The following OR2L13 variants were observed in gnomAD, a reference collection of about 807,000 sequenced individuals.
The protein encoded by OR2L13 is olfactory receptor 2L13.
OR2L13 carries 14 observed loss-of-function variants against 15.3 expected under a neutral mutation model. The observed-to-expected ratio is 0.91, with a 90% CI of 0.60 to 1.43. The LOEUF is 1.43. Among genes scored for constraint, OR2L13 ranks in the 40% most tolerant of loss-of-function variants. The pLI, the probability that OR2L13 is intolerant of heterozygous loss-of-function variation, is 0.00. For missense variants in OR2L13, 367 were observed against 387.9 expected (o/e 0.95, Z 0.45); for synonymous variants, 152 against 142.9 (o/e 1.06, Z -0.45).
chr1:248,094,181 T>C (rs969449109), upstream of OR2L13, among the ~76,000 whole-genome samples: 2 of 151,998 alleles, frequency 1.3e-5, no homozygotes, highest in Non-Finnish European at 2.9e-5. Context: ...ATGTACCTCA[T>C]GAATATATGC....
At chr1:248,001,562 TAAA>T in the OR2L13 span, among the ~76,000 whole-genome samples, 1 of 151,328 alleles carries the variant, frequency 6.6e-6, no homozygotes, top group Non-Finnish European at 1.5e-5. Flanking sequence ...TTTCTGTAAA[TAAA>T]AAAAATAATA....
At chr1:248,019,579 T>G in the OR2L13 span, among the ~76,000 whole-genome samples, 1 of 152,200 alleles carries the variant, frequency 6.6e-6, no homozygotes, top group African/African-American at 2.4e-5. Context: ...TTTCATATTT[T>G]GAATGTAGTT....
chr1:247,958,376 T>A, the OR2L13 span, among the ~76,000 whole-genome samples: 2 of 152,314 alleles, frequency 1.3e-5, no homozygotes, highest in South Asian at 4.1e-4. Context: ...GTGGTCAATT[T>A]TGGAATAGGT....
the OR2L13 span, chr1:247,990,378 C>A: frequency 6.3e-7 from 1 of 1,577,880 alleles, no homozygotes; most frequent in Admixed American, 1.7e-5. Context: ...CCTAATGGCT[C>A]TAATTGGAAA....
the OR2L13 span, chr1:247,975,670 C>T: frequency 1.9e-6 from 2 of 1,045,324 alleles, no homozygotes; most frequent in East Asian, 2.4e-5. Context: ...GACAAACTTT[C>T]TGCCTTAGAG....
the OR2L13 span, among the ~76,000 whole-genome samples, chr1:247,967,982 CCTT>C: frequency 2.6e-5 from 4 of 151,832 alleles, no homozygotes; most frequent in African/African-American, 4.8e-5. Flanking sequence ...CTCTCGTTCT[CCTT>C]CTTCTTCCTT....
At chr1:248,019,896 C>T in the OR2L13 span, among the ~76,000 whole-genome samples, 2 of 152,234 alleles carry the variant, frequency 1.3e-5, no homozygotes. Context: ...AAGCAATCCT[C>T]CCACCTCAGC....
chr1:247,995,046 G>A, the OR2L13 span, among the ~76,000 whole-genome samples: 1 of 152,110 alleles, frequency 6.6e-6, no homozygotes, highest in Non-Finnish European at 1.5e-5. Context: ...TTCTCTTCAT[G>A]TTAAATTGAA....
chr1:247,959,526 C>A, the OR2L13 span, among the ~76,000 whole-genome samples: 2 of 151,632 alleles, frequency 1.3e-5, no homozygotes, highest in Non-Finnish European at 2.9e-5. Flanking sequence ...TGGATAATAT[C>A]CTGCAGAGTG....
the OR2L13 span, among the ~76,000 whole-genome samples, chr1:248,088,887 ATT>A: frequency 6.6e-6 from 1 of 150,756 alleles, no homozygotes; most frequent in Admixed American, 6.6e-5. Flanking sequence ...AAAATAATGA[ATT>A]TTTTTTTTGA....
chr1:247,984,466 T>C, the OR2L13 span, among the ~76,000 whole-genome samples: 21 of 152,192 alleles, frequency 1.4e-4, no homozygotes, highest in African/African-American at 4.6e-4. Context: ...GTATATATTC[T>C]ACTTGCCAAT....
the OR2L13 span, chr1:247,966,445 T>G: frequency 8.7e-7 from 1 of 1,149,908 alleles, no homozygotes; most frequent in Non-Finnish European, 1.2e-6. Context: ...CAATCTTGTT[T>G]AACTTGTAAA....
At chr1:247,948,096 G>T in the OR2L13 span, among the ~76,000 whole-genome samples, 241 of 152,066 alleles carry the variant, frequency 1.6e-3, 3 homozygotes, top group Middle Eastern at 0.024. Context: ...GGCTGTAGTC[G>T]CAGCTACTCA....
the OR2L13 span, chr1:248,061,312 A>T: frequency 6.2e-7 from 1 of 1,613,354 alleles, no homozygotes; most frequent in Non-Finnish European, 8.5e-7. Context: ...GTTTCCCTTC[A>T]TTGCTATTTC....
the OR2L13 span, among the ~76,000 whole-genome samples, chr1:247,988,194 G>T: frequency 2.0e-5 from 3 of 151,792 alleles, no homozygotes; most frequent in Non-Finnish European, 4.4e-5. Context: ...TTCTGGGAAT[G>T]CCTGTAAGTA....
chr1:248,054,460 T>A, the OR2L13 span, among the ~76,000 whole-genome samples: 1 of 152,154 alleles, frequency 6.6e-6, no homozygotes, highest in East Asian at 1.9e-4. Context: ...AAATAGTTCT[T>A]TTTTTCTAAT....
At chr1:248,026,048 T>G in the OR2L13 span, among the ~76,000 whole-genome samples, 3 of 152,154 alleles carry the variant, frequency 2.0e-5, no homozygotes, top group African/African-American at 4.8e-5. Context: ...TGTATACATA[T>G]GTAACTAATC....
the OR2L13 span, among the ~76,000 whole-genome samples, chr1:248,017,736 G>C: frequency 6.6e-6 from 1 of 152,134 alleles, no homozygotes; most frequent in Admixed American, 6.5e-5. Context: ...GAGCTGGGTT[G>C]TAAATTGAGA....
chr1:248,043,031 G>A, the OR2L13 span, among the ~76,000 whole-genome samples: 2 of 152,170 alleles, frequency 1.3e-5, no homozygotes, highest in South Asian at 4.1e-4. Context: ...ATATGTGCTT[G>A]ATAATGAGTT....
Sources: gnomAD v4.1 joint callset for allele counts (sites outside exome capture counted in the v4.1 genomes callset) on GRCh38, gnomAD v4.1.1 for gene constraint, MANE v1.5 for transcripts, NCBI Gene and HGNC (gene_info 2026-07-23, HGNC 2026-07-21) for gene names.